C11orf65: variants seen among roughly 807,000 people sequenced by gnomAD.
C11orf65 encodes chromosome 11 open reading frame 65.
C11orf65 carries 38 observed loss-of-function variants against 35.3 expected under a neutral mutation model. The ratio of observed to expected loss-of-function variants is 1.08; its 90% CI spans 0.83 to 1.41. The LOEUF (loss-of-function observed/expected upper bound fraction) is 1.41, where lower values mean the gene tolerates loss of function less well. C11orf65 is among the 40% of genes most tolerant of loss of function. The pLI is 0.00. For missense variants in C11orf65, 370 were observed against 367.1 expected (o/e 1.01, Z -0.06); for synonymous variants, 105 against 114.4 (o/e 0.92, Z 0.53).
intron 2 of C11orf65, chr11:108,336,009 C>A (rs748488965): frequency 3.4e-6 from 5 of 1,454,912 alleles, no homozygotes; most frequent in Non-Finnish European, 4.8e-6. Context: ...ATAAAAGATG[C>A]CATTTGGTTG....
At chr11:108,318,087 C>T (rs576996420) in intron 6 of C11orf65, among the ~76,000 whole-genome samples, 1 of 152,128 alleles carries the variant, frequency 6.6e-6, no homozygotes, top group African/African-American at 2.4e-5. Flanking sequence ...TACGGCCAGG[C>T]ACGGTGGCTC....
At position 108,397,184 on chromosome 11, in the gene C11orf65, G is replaced by A. The variant is rs2092332690; in HGVS notation, c.561-3806C>T. On this transcript the variant is annotated intron_variant, in intron 6 of 8. Coordinates refer to ENST00000393084, the MANE Select transcript of C11orf65 (RefSeq NM_152587.5). ...AAAAATACAAAAATTAGCTGGGCAT[G>A]GTGGCATGTAGCTATAGTCCCAGGC... Among the ~76,000 whole-genome samples, 3 of 152,096 alleles carry A rather than the reference G, an allele frequency of 2.0e-5. No individual in the cohort carries two copies. The South Asian group carries it at 6.2e-4, about 32-fold the overall frequency.
chr11:108,381,497 C>T (rs2091864200), downstream of C11orf65, among the ~76,000 whole-genome samples: 1 of 152,192 alleles, frequency 6.6e-6, no homozygotes, highest in Admixed American at 6.5e-5. Context: ...CTGTATGGTT[C>T]CTCAGAGCAT....
intron 2 of C11orf65, chr11:108,368,915 A>G (rs1164846644): frequency 5.1e-6 from 1 of 194,906 alleles, no homozygotes; most frequent in Non-Finnish European, 1.1e-5. Flanking sequence ...AAAGACTAGA[A>G]TAGTCTTTTA....
downstream of C11orf65, among the ~76,000 whole-genome samples, chr11:108,330,929 A>G (rs1258744877): frequency 6.6e-6 from 1 of 152,228 alleles, no homozygotes; most frequent in Non-Finnish European, 1.5e-5. Context: ...TAGTGATGAC[A>G]CCTAATATTA....
At chr11:108,335,524 G>A (rs2086744004) in intron 2 of C11orf65, among the ~76,000 whole-genome samples, 1 of 152,174 alleles carries the variant, frequency 6.6e-6, no homozygotes, top group Admixed American at 6.5e-5. Context: ...ACCATTTGCT[G>A]ACGAGCTCTT....
intron 2 of C11orf65, among the ~76,000 whole-genome samples, chr11:108,433,444 G>A (rs1408998581): frequency 6.6e-6 from 1 of 152,020 alleles, no homozygotes; most frequent in Non-Finnish European, 1.5e-5. Flanking sequence ...GTTAGATGTG[G>A]TGGCAGGCGC....
intron 2 of C11orf65, among the ~76,000 whole-genome samples, chr11:108,440,781 T>C (rs1435144952): frequency 6.6e-6 from 1 of 152,178 alleles, no homozygotes; most frequent in Non-Finnish European, 1.5e-5. Context: ...TGTCCTATTT[T>C]AGTGGTTTTA....
In C11orf65 at chr11:108,320,028, C is replaced by G. The variant is rs2136221538; in HGVS notation, c.641-10957G>C. 1 of 1,608,832 alleles carries G rather than the reference C, an allele frequency of 6.2e-7. No individual in the cohort carries two copies. The highest frequency in any genetic ancestry group is 1.7e-4 in the Middle Eastern group (1 of 6,044). ...CAATCTCTAAGAGACAGAGAATTCT[C>G]TACATTTTATGAAAGTCTCAAATAT... On this transcript the variant is annotated intron_variant, in intron 6 of 6. Transcript: ENST00000525729.
intron 6 of C11orf65, chr11:108,312,289 T>C: frequency 4.1e-6 from 3 of 733,460 alleles, no homozygotes; most frequent in Non-Finnish European, 7.3e-6. Context: ...AAAGTATAAG[T>C]GATTTATTCT....
chr11:108,443,997 C>CA (rs1294209516), intron 2 of C11orf65, among the ~76,000 whole-genome samples: 11 of 152,028 alleles, frequency 7.2e-5, no homozygotes, highest in Non-Finnish European at 1.3e-4. Context: ...AATAGAGACA[C>CA]AAAAAACCCT....
intron 2 of C11orf65, among the ~76,000 whole-genome samples, chr11:108,442,602 A>G (rs973786598): frequency 3.3e-5 from 5 of 152,258 alleles, no homozygotes; most frequent in East Asian, 1.9e-4. Context: ...ACAAAGGGAA[A>G]CCCATCAGAA....
chr11:108,382,907 T>C lies in C11orf65; in HGVS notation c.*114A>G. 3.2e-6 allele frequency: 5 copies of C among 1,553,692 alleles called. No homozygotes were observed. Among genetic ancestry groups the C allele is most frequent in the Non-Finnish European group, 4.3e-6 (5 of 1,161,358 alleles). ...ATCTTCCTTACTTAACTGAGCTAGA[T>C]TCTGTGCCCAGAATATATACACAAG... On this transcript the variant is annotated 3_prime_UTR_variant, in exon 9 of 9. Transcript: ENST00000393084.
At chr11:108,332,647 C>A in intron 3 of C11orf65, 1 of 1,108,880 alleles carries the variant, frequency 9.0e-7, no homozygotes. Context: ...GAATTATAAT[C>A]ATTCCATTGT....
chr11:108,386,746 G>A (rs887627053), intron 7 of C11orf65, among the ~76,000 whole-genome samples: 11 of 152,118 alleles, frequency 7.2e-5, no homozygotes, highest in Admixed American at 6.6e-4. Context: ...GTTACAGTAG[G>A]TGCTAAAAGG....
chr11:108,427,825 C>CTTTTTTTT (rs1164726398), intron 3 of C11orf65, among the ~76,000 whole-genome samples: 4 of 59,020 alleles, frequency 6.8e-5, no homozygotes, highest in Non-Finnish European at 5.9e-5. Context: ...GAATGGCAAT[C>CTTTTTTTT]TTTTTTTTTT....
intron 6 of C11orf65, among the ~76,000 whole-genome samples, chr11:108,401,597 C>A (rs2092440231): frequency 6.6e-6 from 1 of 152,208 alleles, no homozygotes; most frequent in African/African-American, 2.4e-5. Flanking sequence ...GAATAACTAT[C>A]TTTGTTTCTT....
At chr11:108,406,621 C>A in intron 5 of C11orf65, 142 bp downstream of exon 5, 1 of 513,848 alleles carries the variant, frequency 1.9e-6, no homozygotes, top group Non-Finnish European at 3.3e-6. Flanking sequence ...TTAGCAACCC[C>A]TGAGTAGCTA....
chr11:108,405,428 C>T lies in C11orf65; in HGVS notation c.560+1G>A. On this transcript the variant is annotated splice_donor_variant, in intron 6 of 8. Coordinates refer to ENST00000393084, the MANE Select transcript of C11orf65 (RefSeq NM_152587.5). LOFTEE classifies it high-confidence loss of function. ...CCTTAGTAAGTGTTTCATCAACTTA[C>T]ATTTGCCTCATCCACTCTATTTTTC... The T allele has an allele frequency of 6.2e-7, 1 of 1,609,974 alleles. No homozygotes were observed. Among genetic ancestry groups the T allele is most frequent in the South Asian group, 1.1e-5 (1 of 89,518 alleles).
Sources: allele counts gnomAD v4.1 joint callset (sites outside exome capture counted in the v4.1 genomes callset), GRCh38; gene constraint gnomAD v4.1.1; transcripts MANE v1.5; gene names NCBI Gene and HGNC (gene_info 2026-07-23, HGNC 2026-07-21).